The following IL4R variants were observed in gnomAD, a reference collection of about 807,000 sequenced individuals.
IL4R encodes the protein interleukin 4 receptor, also known as interleukin-4 receptor subunit alpha.
Under a neutral mutation model 41.5 loss-of-function variants are expected in IL4R, and 17 were observed. The ratio of observed to expected loss-of-function variants is 0.41; its 90% CI spans 0.28 to 0.61. The LOEUF is 0.61. Ranked by LOEUF, IL4R falls within the 20% of genes least tolerant of loss-of-function variation. IL4R has a pLI of 0.31. For missense variants in IL4R, 974 were observed against 1,043.1 expected (o/e 0.93, Z 0.91); for synonymous variants, 402 against 422.9 (o/e 0.95, Z 0.61).
chr16:27,346,967 T>A (rs1213587144), intron 6 of IL4R, among the ~76,000 whole-genome samples: 1 of 152,208 alleles, frequency 6.6e-6, no homozygotes, highest in Non-Finnish European at 1.5e-5. Context: ...TTGAAGAGAA[T>A]AATACTGACT....
At chr16:27,346,729 G>T in intron 6 of IL4R, 111 bp downstream of exon 6, 1 of 1,195,956 alleles carries the variant, frequency 8.4e-7, no homozygotes, top group Non-Finnish European at 1.2e-6. Context: ...CCTGGGGCTG[G>T]ATAGCAAATC....
chr16:27,346,329 G>A, intron 5 of IL4R, 138 bp from the exon 6 acceptor site: 1 of 669,444 alleles, frequency 1.5e-6, no homozygotes. Context: ...CTGAATCTGT[G>A]TGGTGCTCCA....
upstream of IL4R, chr16:27,313,781 C>CCGG (rs565226334): frequency 8.0e-5 from 31 of 388,186 alleles, no homozygotes; most frequent in East Asian, 8.1e-4. Flanking sequence ...CTCGGACTGT[C>CCGG]CGGCGGCGGC....
At position 27,363,091 on chromosome 16, in the gene IL4R, A is replaced by G. The variant is rs1413086510; in HGVS notation, c.1739A>G (p.His580Arg). 1 of 1,614,098 alleles carries G rather than the reference A, an allele frequency of 6.2e-7. No individual in the cohort carries two copies. Among genetic ancestry groups the G allele is most frequent in the Non-Finnish European group, 8.5e-7 (1 of 1,180,034 alleles). Reference protein sequence around the residue: ...APTSGYQEFVHAVEQGGTQAS... With the variant: ...APTSGYQEFVRAVEQGGTQAS... The stretch of plus-strand genomic sequence containing the variant: ...ACCAGTGGCTATCAGGAGTTTGTAC[A>G]TGCGGTGGAGCAGGGTGGCACCCAG... The change falls in exon 11 of 11, where the codon CAT becomes CGT. Residue 580 changes from histidine (H) to arginine (R), a missense_variant. His to Arg is a conservative substitution (Grantham distance 29). Coordinates refer to ENST00000395762, the MANE Select transcript of IL4R (RefSeq NM_000418.4).
chr16:27,354,256 G>C (rs1359077989), intron 7 of IL4R: 1 of 152,212 alleles, frequency 6.6e-6, no homozygotes, highest in Non-Finnish European at 1.5e-5. Flanking sequence ...CAGCAGCCAA[G>C]TGATATCTCT....
Position 27,324,538 on chromosome 16 carries a change from A to C in IL4R, c.-151-5528A>C, listed in dbSNP as rs561224871. On this transcript the variant is annotated intron_variant, in intron 1 of 10. Transcript: ENST00000395762. ...GCCTTGTGTGAGCTGGCCTTGCAGTAGGGGATATGAGCACCAAACACATAA... is the reference window on the plus strand; with the variant it reads ...GCCTTGTGTGAGCTGGCCTTGCAGTCGGGGATATGAGCACCAAACACATAA... Among the ~76,000 whole-genome samples the C allele has an allele frequency of 6.6e-5, 10 of 152,280 alleles. 1 individual carries two copies. Among genetic ancestry groups the C allele is most frequent in the East Asian group, 3.9e-4 (2 of 5,174 alleles).
intron 7 of IL4R, 122 bp from the exon 8 acceptor site, chr16:27,355,686 C>T (rs555754606): frequency 2.4e-5 from 15 of 638,076 alleles, no homozygotes; most frequent in South Asian, 7.1e-5. Flanking sequence ...GAGGGGTGGT[C>T]GGCGGTCAGA....
In IL4R at chr16:27,362,457, G is replaced by A; in HGVS notation, c.1105G>A (p.Val369Met). Reference sequence around the variant, plus strand: ...ATGTGTGGAGTTGTTTGAGGCCCCGGTGGAGTGTGAGGAGGAGGAGGAGGT... The same window carrying A: ...ATGTGTGGAGTTGTTTGAGGCCCCGATGGAGTGTGAGGAGGAGGAGGAGGT... Reference protein sequence around the residue: ...VRCVELFEAPVECEEEEEVEE... With the variant: ...VRCVELFEAPMECEEEEEVEE... The change falls in exon 11 of 11, where the codon GTG (valine) becomes ATG (methionine). Residue 369 changes from valine to methionine, a missense_variant. Physicochemically the swap from Val to Met is conservative, Grantham distance 21. Coordinates refer to ENST00000395762, the MANE Select transcript of IL4R (RefSeq NM_000418.4). 6.2e-7 allele frequency: 1 copy of A among 1,614,188 alleles called. No individual in the cohort carries two copies. Among genetic ancestry groups the A allele is most frequent in the South Asian group, 1.1e-5 (1 of 91,072 alleles).
chr16:27,357,340 C>G (rs896593081), intron 8 of IL4R, among the ~76,000 whole-genome samples: 1 of 152,132 alleles, frequency 6.6e-6, no homozygotes. Flanking sequence ...AGTGCAGTGG[C>G]GCGGTTACGG....
chr16:27,314,846 T>G (rs940395881), intron 1 of IL4R, among the ~76,000 whole-genome samples: 4 of 152,188 alleles, frequency 2.6e-5, no homozygotes, highest in Non-Finnish European at 5.9e-5. Flanking sequence ...CTGATCTTTA[T>G]TTTATTTTTA....
intron 6 of IL4R, among the ~76,000 whole-genome samples, chr16:27,347,774 G>A (rs1274602400): frequency 2.0e-5 from 3 of 152,226 alleles, no homozygotes; most frequent in South Asian, 2.1e-4. Flanking sequence ...CCAGCTGTGT[G>A]ATGTTGGGCA....
intron 1 of IL4R, among the ~76,000 whole-genome samples, chr16:27,317,711 G>A (rs574570049): frequency 2.6e-5 from 4 of 152,250 alleles, no homozygotes; most frequent in Non-Finnish European, 5.9e-5. Context: ...GGTTTAAATC[G>A]GAGCTGGCTA....
intron 7 of IL4R, chr16:27,354,948 A>G (rs2086008356): frequency 9.1e-6 from 4 of 441,554 alleles, no homozygotes; most frequent in South Asian, 6.3e-5. Flanking sequence ...CTCATCTGCC[A>G]TTGGCATGGG....
intron 1 of IL4R, among the ~76,000 whole-genome samples, chr16:27,326,077 G>A (rs1439828363): frequency 2.6e-5 from 4 of 151,936 alleles, no homozygotes; most frequent in Non-Finnish European, 4.4e-5. Context: ...CCCCATCTCC[G>A]CAGCCTGGTG....
At chr16:27,314,127 C>T in intron 1 of IL4R, 107 bp downstream of exon 1, 1 of 982,436 alleles carries the variant, frequency 1.0e-6, no homozygotes, top group Non-Finnish European at 1.2e-6. Context: ...CCACGGGGAC[C>T]ACCCCGACTC....
At position 27,352,535 on chromosome 16, in the gene IL4R, A is replaced by G. The variant is rs2085913797; in HGVS notation, c.514-5A>G. ...GTGCCCTAACATCTCCCTTTTCTCTACCAGTTCAGAATCTATAACGTGACC... is the reference window on the plus strand; with the variant it reads ...GTGCCCTAACATCTCCCTTTTCTCTGCCAGTTCAGAATCTATAACGTGACC... On this transcript the variant is annotated splice_polypyrimidine_tract_variant and splice_region_variant and intron_variant, in intron 6 of 10. Transcript: ENST00000395762. 1.2e-6 allele frequency: 2 copies of G among 1,613,390 alleles called. No individual in the cohort carries two copies. The highest frequency in any genetic ancestry group is 1.7e-6 in the Non-Finnish European group (2 of 1,179,576).
intron 2 of IL4R, chr16:27,334,385 A>C (rs762340861): frequency 1.8e-4 from 28 of 152,138 alleles, no homozygotes; most frequent in Non-Finnish European, 3.5e-4. Context: ...CTGAGAAGCT[A>C]GCTGCGGCAC....
intron 2 of IL4R, among the ~76,000 whole-genome samples, chr16:27,337,990 T>A (rs949999878): frequency 2.7e-5 from 4 of 148,482 alleles, no homozygotes; most frequent in African/African-American, 9.9e-5. Context: ...AGAGTCTCAC[T>A]CTGTCACCCA....
intron 1 of IL4R, among the ~76,000 whole-genome samples, chr16:27,322,148 C>G (rs531775583): frequency 6.7e-6 from 1 of 149,142 alleles, no homozygotes. Flanking sequence ...AATACAATTA[C>G]AATTCACCAT....
Sources: allele counts gnomAD v4.1 joint callset (sites outside exome capture counted in the v4.1 genomes callset), GRCh38; gene constraint gnomAD v4.1.1; transcripts MANE v1.5; gene names NCBI Gene and HGNC (gene_info 2026-07-23, HGNC 2026-07-21).